Variants in ZBTB20 observed in about 807,000 individuals in gnomAD.
ZBTB20 encodes zinc finger and BTB domain-containing protein 20.
ZBTB20 carries 9 observed loss-of-function variants against 56.9 expected under a neutral mutation model. The ratio of observed to expected loss-of-function variants is 0.16; its 90% CI spans 0.10 to 0.28. The LOEUF (loss-of-function observed/expected upper bound fraction) is 0.28. Ranked by LOEUF, ZBTB20 falls within the 10% of genes least tolerant of loss-of-function variation. The pLI, the probability that ZBTB20 is intolerant of heterozygous loss-of-function variation, is 1.00. For synonymous variants in ZBTB20, 417 were observed against 420.7 expected (o/e 0.99, Z 0.11); for missense variants, 655 against 1,003.0 (o/e 0.65, Z 4.69).
At chr3:114,783,625 A>T (rs1484956881) in intron 5 of ZBTB20, among the ~76,000 whole-genome samples, 1 of 151,782 alleles carries the variant, frequency 6.6e-6, no homozygotes. Flanking sequence ...GAAACCCCGT[A>T]TCTACTAAAA....
At chr3:114,883,233 T>C (rs1576217211) in intron 4 of ZBTB20, among the ~76,000 whole-genome samples, 1 of 152,340 alleles carries the variant, frequency 6.6e-6, no homozygotes, top group African/African-American at 2.4e-5. Flanking sequence ...ATGTAGACTG[T>C]AGCCATGTCT....
chr3:114,942,010 A>G (rs563301353), intron 3 of ZBTB20, among the ~76,000 whole-genome samples: 1 of 146,426 alleles, frequency 6.8e-6, no homozygotes, highest in South Asian at 2.1e-4. Flanking sequence ...ATGCCTAGTT[A>G]TTCACTACTA....
intron 7 of ZBTB20, among the ~76,000 whole-genome samples, chr3:114,475,183 T>A (rs2040601749): frequency 6.6e-6 from 1 of 152,162 alleles, no homozygotes; most frequent in Non-Finnish European, 1.5e-5. Context: ...CTTCCATGCT[T>A]TTCTCATGAT....
intron 2 of ZBTB20, among the ~76,000 whole-genome samples, chr3:114,977,575 T>C (rs564257836): frequency 1.8e-4 from 28 of 152,250 alleles, no homozygotes; most frequent in Non-Finnish European, 4.0e-4. Flanking sequence ...AATGTTGAGA[T>C]AGCTGACTGA....
At chr3:114,974,019 T>C (rs1340394388) in intron 3 of ZBTB20, among the ~76,000 whole-genome samples, 1 of 151,150 alleles carries the variant, frequency 6.6e-6, no homozygotes, top group African/African-American at 2.4e-5. Context: ...AATATGTCTG[T>C]TTAACAAAAG....
intron 4 of ZBTB20, among the ~76,000 whole-genome samples, chr3:114,863,861 G>C (rs1202054692): frequency 6.6e-6 from 1 of 151,926 alleles, no homozygotes; most frequent in Non-Finnish European, 1.5e-5. Flanking sequence ...GAGGCCAAGG[G>C]ACATTAAGTT....
At chr3:114,847,890 A>C (rs1296598336) in intron 4 of ZBTB20, among the ~76,000 whole-genome samples, 1 of 152,214 alleles carries the variant, frequency 6.6e-6, no homozygotes, top group African/African-American at 2.4e-5. Context: ...TGAATTAACT[A>C]TATACATACT....
intron 6 of ZBTB20, among the ~76,000 whole-genome samples, chr3:114,536,259 C>T (rs1438796190): frequency 6.6e-6 from 1 of 152,160 alleles, no homozygotes; most frequent in Non-Finnish European, 1.5e-5. Context: ...ATCATCTCAG[C>T]TCAAAATCTC....
chr3:115,004,219 C>A (rs2079373778), intron 2 of ZBTB20, among the ~76,000 whole-genome samples: 1 of 151,590 alleles, frequency 6.6e-6, no homozygotes, highest in Non-Finnish European at 1.5e-5. Flanking sequence ...AAACTATCCC[C>A]CAACTTTCAA....
chr3:114,610,901 G>A (rs570201469), intron 6 of ZBTB20, among the ~76,000 whole-genome samples: 1 of 152,142 alleles, frequency 6.6e-6, no homozygotes, highest in Non-Finnish European at 1.5e-5. Flanking sequence ...ACAATTCTTG[G>A]TTAACCAAGA....
intron 7 of ZBTB20, among the ~76,000 whole-genome samples, chr3:114,433,948 A>T (rs544720358): frequency 3.3e-5 from 5 of 152,148 alleles, no homozygotes; most frequent in Non-Finnish European, 7.4e-5. Context: ...GAGGGGAGGG[A>T]TGTGCTCACT....
chr3:114,830,678 G>C (rs953625565), intron 4 of ZBTB20, among the ~76,000 whole-genome samples: 1 of 151,984 alleles, frequency 6.6e-6, no homozygotes, highest in Admixed American at 6.6e-5. Flanking sequence ...AGAGAAGTTA[G>C]AGTTAAGTAA....
At chr3:114,426,337 CAAAAAAAAAAAA>C (rs60778829) in intron 7 of ZBTB20, among the ~76,000 whole-genome samples, 9 of 109,518 alleles carry the variant, frequency 8.2e-5, no homozygotes, top group African/African-American at 3.4e-4. Context: ...GACTCCATCT[CAAAAAAAAAAAA>C]AAAAAAAAAA....
chr3:114,875,136 C>T (rs557626530), intron 4 of ZBTB20, among the ~76,000 whole-genome samples: 11 of 152,270 alleles, frequency 7.2e-5, no homozygotes, highest in African/African-American at 2.6e-4. Flanking sequence ...AGCACCTCTG[C>T]TCTCCTCGTG....
intron 6 of ZBTB20, among the ~76,000 whole-genome samples, chr3:114,525,734 G>A (rs2047146971): frequency 6.6e-6 from 1 of 151,954 alleles, no homozygotes; most frequent in Admixed American, 6.5e-5. Flanking sequence ...CACAGTGTAG[G>A]GCAGATAACG....
At chr3:115,032,958 TA>T (rs77048136) in intron 2 of ZBTB20, among the ~76,000 whole-genome samples, 113 of 56,532 alleles carry the variant, frequency 2.0e-3, no homozygotes, top group East Asian at 4.2e-3. Context: ...CCTAAGGAAC[TA>T]AAAAAAAAAA....
At chr3:115,066,534 T>C (rs555931805) in intron 2 of ZBTB20, among the ~76,000 whole-genome samples, 1 of 152,302 alleles carries the variant, frequency 6.6e-6, no homozygotes, top group South Asian at 2.1e-4. Flanking sequence ...TCACAGACTC[T>C]GGTCTGCTTT....
chr3:115,073,354 G>A (rs1317954037), intron 1 of ZBTB20, among the ~76,000 whole-genome samples: 1 of 152,092 alleles, frequency 6.6e-6, no homozygotes, highest in Non-Finnish European at 1.5e-5. Context: ...CTTTTCAAAT[G>A]GCTACTAATA....
intron 4 of ZBTB20, among the ~76,000 whole-genome samples, chr3:114,898,604 G>T (rs1157142513): frequency 6.6e-6 from 1 of 152,048 alleles, no homozygotes; most frequent in East Asian, 1.9e-4. Context: ...ATTCATAAAT[G>T]CATTCATTCA....
Sources: allele counts gnomAD v4.1 joint callset (sites outside exome capture counted in the v4.1 genomes callset), GRCh38; gene constraint gnomAD v4.1.1; transcripts MANE v1.5; gene names NCBI Gene and HGNC (gene_info 2026-07-23, HGNC 2026-07-21).